Variants in CD247 observed in about 807,000 individuals in gnomAD.
The protein encoded by CD247 is T-cell surface glycoprotein CD3 zeta chain.
CD247 carries 13 observed loss-of-function variants against 30.0 expected under a neutral mutation model. The ratio of observed to expected loss-of-function variants is 0.43; its 90% CI spans 0.28 to 0.69. The LOEUF (loss-of-function observed/expected upper bound fraction) is 0.69, where lower values mean the gene tolerates loss of function less well. CD247 is among the 30% of genes least tolerant of loss of function. The pLI is 0.16. For missense variants in CD247, 193 were observed against 212.6 expected (o/e 0.91, Z 0.57); for synonymous variants, 72 against 80.0 (o/e 0.90, Z 0.53).
chr1:167,436,623 A>C (rs1018643912), intron 4 of CD247, among the ~76,000 whole-genome samples: 1 of 152,254 alleles, frequency 6.6e-6, no homozygotes, highest in Non-Finnish European at 1.5e-5. Flanking sequence ...TGGATTAAAG[A>C]CTTAAACATA....
chr1:167,465,428 A>G (rs953835445), intron 1 of CD247, among the ~76,000 whole-genome samples: 1 of 147,118 alleles, frequency 6.8e-6, no homozygotes, highest in African/African-American at 2.5e-5. Context: ...TCCCAGGTTC[A>G]AGCGATTCTC....
chr1:167,438,623 A>G lies in CD247; in HGVS notation c.247T>C (p.Tyr83His). 1 of 1,613,836 alleles carries G rather than the reference A, an allele frequency of 6.2e-7. No individual in the cohort carries two copies. Among genetic ancestry groups the G allele is most frequent in the Non-Finnish European group, 8.5e-7 (1 of 1,179,892 alleles). The change falls in exon 4 of 8, where the codon TAC becomes CAC. Residue 83 changes from tyrosine to histidine, a missense_variant. By Grantham distance (83) the Tyr-to-His change is moderately conservative. Coordinates refer to ENST00000362089, the MANE Select transcript of CD247 (RefSeq NM_198053.3). ...NELNLGRREE[Y>H]DVLDKRRGRD... is the part of the protein sequence containing the mutation. ...CCACGTCTCTTGTCCAAAACATCGT[A>G]CTCCTCTCTTCGTCCTAGATTGAGC...
rs540922745 is a variant in CD247 at position 167,434,236 on chromosome 1, T to C, written c.337-160A>G. ...CAAACCTTATGCACACAAACTTCTC[T>C]GCCCACAACCAGCTCCAGCCCACCC... On this transcript the variant is annotated intron_variant, in intron 5 of 7. Coordinates refer to ENST00000362089, the MANE Select transcript of CD247 (RefSeq NM_198053.3). 1.7e-4 allele frequency: 119 copies of C among 718,188 alleles called. No homozygotes were observed. The South Asian group carries it at 1.7e-3, about 10-fold the overall frequency. The allele number at this position is 718,188 out of a possible 1,614,324, so 44.5% of individuals were successfully genotyped here.
intron 1 of CD247, among the ~76,000 whole-genome samples, chr1:167,505,549 C>G (rs1022537022): frequency 6.6e-6 from 1 of 152,254 alleles, no homozygotes; most frequent in Admixed American, 6.5e-5. Context: ...ATGAGTGCAG[C>G]TCATGTGGGG....
At chr1:167,438,232 T>C (rs1294311770) in intron 4 of CD247, among the ~76,000 whole-genome samples, 1 of 152,228 alleles carries the variant, frequency 6.6e-6, no homozygotes, top group East Asian at 1.9e-4. Context: ...CCTTCCTGTA[T>C]GGACCTCTTC....
chr1:167,500,469 G>A lies in CD247; in HGVS notation c.58+17939C>T, dbSNP rs540446857. Among the ~76,000 whole-genome samples the A allele has an allele frequency of 5.9e-5, 9 of 152,232 alleles. No individual in the cohort carries two copies. In the South Asian group the frequency reaches 6.2e-4, roughly 11 times the overall value. On this transcript the variant is annotated intron_variant, in intron 1 of 7. Transcript: ENST00000362089. ...ATGCCATGCTTTGATTACAACCAGC[G>A]CTTCTGGTATGAATTAGAGAGGTGG... is the stretch of plus-strand genomic sequence containing the variant.
At chr1:167,461,672 A>T (rs1418941048) in intron 1 of CD247, among the ~76,000 whole-genome samples, 2 of 151,938 alleles carry the variant, frequency 1.3e-5, no homozygotes, top group Admixed American at 6.6e-5. Context: ...ATATGGTGAA[A>T]CCCCATCTTT....
intron 1 of CD247, among the ~76,000 whole-genome samples, chr1:167,509,321 G>A (rs573411041): frequency 3.0e-4 from 43 of 143,106 alleles, no homozygotes; most frequent in East Asian, 1.0e-3. Context: ...CCGAGATCGC[G>A]CCATTGCACT....
chr1:167,466,891 G>A (rs747948371), intron 1 of CD247, among the ~76,000 whole-genome samples: 18 of 151,566 alleles, frequency 1.2e-4, no homozygotes, highest in Non-Finnish European at 2.1e-4. Flanking sequence ...CCAGGCTGGA[G>A]TGCAGTGGCG....
intron 1 of CD247, among the ~76,000 whole-genome samples, chr1:167,504,752 G>C (rs1461118719): frequency 6.6e-6 from 1 of 152,188 alleles, no homozygotes; most frequent in Admixed American, 6.5e-5. Context: ...AGGGCAGTGG[G>C]GCAGTGGGAA....
chr1:167,449,674 G>A (rs770833515), intron 1 of CD247, among the ~76,000 whole-genome samples: 5 of 151,960 alleles, frequency 3.3e-5, no homozygotes, highest in Non-Finnish European at 7.4e-5. Context: ...TGTAATCCCA[G>A]TACGTTGGGA....
chr1:167,470,407 A>C (rs1653459015), intron 1 of CD247, among the ~76,000 whole-genome samples: 1 of 151,664 alleles, frequency 6.6e-6, no homozygotes, highest in Non-Finnish European at 1.5e-5. Flanking sequence ...ATTGGGTAAC[A>C]TGAGGAAGAA....
rs191642877 is a variant in CD247, at chr1:167,471,467, A to G, written c.59-30700T>C. Among the ~76,000 whole-genome samples, 199 of 152,330 alleles carry G rather than the reference A, an allele frequency of 1.3e-3. 1 individual carries two copies. The highest frequency in any genetic ancestry group is 4.6e-3 in the African/African-American group (192 of 41,568). ...GCAAACAAAACAACTCAACCTACCCAGTAAGCAAAAATAGTCTAATTTTAA... is the reference window on the plus strand; with the variant it reads ...GCAAACAAAACAACTCAACCTACCCGGTAAGCAAAAATAGTCTAATTTTAA... On this transcript the variant is annotated intron_variant, in intron 1 of 7. Transcript: ENST00000362089.
At chr1:167,498,109 G>T (rs1345452203) in intron 1 of CD247, among the ~76,000 whole-genome samples, 1 of 152,130 alleles carries the variant, frequency 6.6e-6, no homozygotes, top group Non-Finnish European at 1.5e-5. Flanking sequence ...CTGTTCTGTT[G>T]TGTCTCCCCC....
intron 1 of CD247, among the ~76,000 whole-genome samples, chr1:167,517,824 G>A (rs1008814356): frequency 2.6e-5 from 4 of 152,194 alleles, no homozygotes; most frequent in South Asian, 2.1e-4. Context: ...TGGCGAAGGC[G>A]CTGTGGAGGC....
intron 1 of CD247, chr1:167,457,366 C>T (rs1652741447): frequency 6.6e-6 from 1 of 152,346 alleles, no homozygotes; most frequent in South Asian, 2.1e-4. Context: ...AATTCCCAAA[C>T]AGACCAGAAT....
chr1:167,490,630 G>GAA (rs11385046), intron 1 of CD247, among the ~76,000 whole-genome samples: 5 of 150,578 alleles, frequency 3.3e-5, no homozygotes, highest in East Asian at 2.0e-4. Context: ...TCTCAAAAAA[G>GAA]AAAAAAAAAT....
intron 1 of CD247, among the ~76,000 whole-genome samples, chr1:167,441,363 G>C (rs1217542145): frequency 6.6e-6 from 1 of 152,110 alleles, no homozygotes; most frequent in Non-Finnish European, 1.5e-5. Context: ...TCCCTTCCCT[G>C]TTCCCTGAAG....
At position 167,440,757 on chromosome 1, in the gene CD247, G is replaced by T. The variant is rs771785872; in HGVS notation, c.69C>A (p.Ser23Arg). 2 of 1,611,494 alleles carry T rather than the reference G, an allele frequency of 1.2e-6. No homozygotes were observed. The highest frequency in any genetic ancestry group is 1.7e-6 in the Non-Finnish European group (2 of 1,178,162). The change falls in exon 2 of 8, where the codon AGC becomes AGA. Residue 23 changes from serine (S) to arginine (R), a missense_variant. Ser to Arg is a moderately radical substitution (Grantham distance 110). Transcript: ENST00000362089. Reference sequence around the variant, plus strand: ...AGAGTTTGGGATCCAGCAGGCCAAAGCTCTGTGCCTCTGTGCCAAGAGATA... The same window carrying T: ...AGAGTTTGGGATCCAGCAGGCCAAATCTCTGTGCCTCTGTGCCAAGAGATA... ...QAQLPITEAQ[S>R]FGLLDPKLCY... is the part of the protein sequence containing the mutation.
Sources: allele counts gnomAD v4.1 joint callset (sites outside exome capture counted in the v4.1 genomes callset), GRCh38; gene constraint gnomAD v4.1.1; transcripts MANE v1.5; gene names NCBI Gene and HGNC (gene_info 2026-07-23, HGNC 2026-07-21).